KCNH7: variants seen among roughly 807,000 people sequenced by gnomAD.
KCNH7 encodes the protein potassium voltage-gated channel subfamily H member 7, also known as voltage-gated inwardly rectifying potassium channel KCNH7.
KCNH7 carries 49 observed loss-of-function variants against 120.8 expected under a neutral mutation model. That is an observed-to-expected ratio of 0.41 (90% CI 0.32 to 0.51). KCNH7 has a LOEUF of 0.51. Ranked by LOEUF, KCNH7 falls within the 20% of genes least tolerant of loss-of-function variation. KCNH7 has a pLI of 0.38. For missense variants in KCNH7, 1,097 were observed against 1,446.6 expected (o/e 0.76, Z 3.92); for synonymous variants, 547 against 516.1 (o/e 1.06, Z -0.81).
At chr2:162,667,160 T>C (rs1685164013) in intron 2 of KCNH7, among the ~76,000 whole-genome samples, 1 of 151,652 alleles carries the variant, frequency 6.6e-6, no homozygotes, top group East Asian at 1.9e-4. Flanking sequence ...GCTGGGACTA[T>C]AGGTGTACAC....
chr2:162,452,934 CTCTTA>C (rs1326253588), intron 6 of KCNH7, among the ~76,000 whole-genome samples: 3 of 151,918 alleles, frequency 2.0e-5, no homozygotes, highest in African/African-American at 7.2e-5. Context: ...TCCTCTCTCT[CTCTTA>C]TTTTATTTCA....
chr2:162,486,604 C>T (rs1271268237), intron 6 of KCNH7, among the ~76,000 whole-genome samples: 1 of 152,128 alleles, frequency 6.6e-6, no homozygotes, highest in Non-Finnish European at 1.5e-5. Context: ...TCCTATTACG[C>T]ACTTATTCCT....
chr2:162,799,831 C>G (rs866746147), intron 2 of KCNH7, among the ~76,000 whole-genome samples: 1 of 151,768 alleles, frequency 6.6e-6, no homozygotes, highest in Non-Finnish European at 1.5e-5. Context: ...CTTAGAAAGT[C>G]CAGGGCATCA....
intron 2 of KCNH7, among the ~76,000 whole-genome samples, chr2:162,777,151 G>A (rs951200767): frequency 6.6e-6 from 1 of 152,100 alleles, no homozygotes; most frequent in Non-Finnish European, 1.5e-5. Context: ...AGTACCACCA[G>A]TATAGTACAG....
chr2:162,763,768 TGTG>T (rs1689046995), intron 2 of KCNH7, among the ~76,000 whole-genome samples: 1 of 141,492 alleles, frequency 7.1e-6, no homozygotes, highest in Admixed American at 7.0e-5. Flanking sequence ...TGTGTGTGTG[TGTG>T]TTTTGCTTTT....
intron 2 of KCNH7, among the ~76,000 whole-genome samples, chr2:162,617,988 G>A (rs759183195): frequency 2.0e-5 from 3 of 151,678 alleles, no homozygotes; most frequent in African/African-American, 7.3e-5. Flanking sequence ...AATTTAGGGA[G>A]CTTTTTAACA....
chr2:162,448,022 G>A (rs187479423), intron 6 of KCNH7, among the ~76,000 whole-genome samples: 1 of 152,066 alleles, frequency 6.6e-6, no homozygotes, highest in Non-Finnish European at 1.5e-5. Flanking sequence ...AGTTTATAGA[G>A]AGAACAGGGT....
intron 2 of KCNH7, among the ~76,000 whole-genome samples, chr2:162,815,756 T>C (rs1684896255): frequency 6.6e-6 from 1 of 152,180 alleles, no homozygotes. Flanking sequence ...CAGTACCACC[T>C]CTTGGGCACA....
At chr2:162,645,668 C>T (rs1684332821) in intron 2 of KCNH7, among the ~76,000 whole-genome samples, 1 of 152,140 alleles carries the variant, frequency 6.6e-6, no homozygotes, top group African/African-American at 2.4e-5. Context: ...TTCTCCCCTA[C>T]TTTCCTAGAG....
intron 2 of KCNH7, among the ~76,000 whole-genome samples, chr2:162,559,811 G>A (rs1228417318): frequency 6.6e-6 from 1 of 152,224 alleles, no homozygotes; most frequent in East Asian, 1.9e-4. Context: ...ACACTGGAAA[G>A]AGAGAGGAGG....
intron 2 of KCNH7, among the ~76,000 whole-genome samples, chr2:162,763,800 T>G (rs1054219474): frequency 6.6e-6 from 1 of 151,474 alleles, no homozygotes; most frequent in Non-Finnish European, 1.5e-5. Flanking sequence ...TTACTACTTA[T>G]GCTTATTGGT....
rs185040840 is a variant in KCNH7, at chr2:162,720,140, T to C, written c.307+116397A>G. Among the ~76,000 whole-genome samples the C allele has an allele frequency of 3.9e-5, 6 of 152,044 alleles. 1 individual carries two copies. The highest frequency in any genetic ancestry group is 3.9e-4 in the Admixed American group (6 of 15,246). On this transcript the variant is annotated intron_variant, in intron 2 of 15. Coordinates refer to ENST00000332142, the MANE Select transcript of KCNH7 (RefSeq NM_033272.4). ...TGGATTTGCATCTCTACAGCAACTG[T>C]TTGCTGAAATGCTAGTCTTCATACA...
At chr2:162,390,736 G>A (rs997218840) in intron 12 of KCNH7, among the ~76,000 whole-genome samples, 15 of 151,614 alleles carry the variant, frequency 9.9e-5, no homozygotes, top group African/African-American at 3.6e-4. Context: ...AAAATACAAG[G>A]TGCTCTCAAA....
In KCNH7 at chr2:162,726,566, C is replaced by T. The variant is rs540906346; in HGVS notation, c.307+109971G>A. The stretch of plus-strand genomic sequence containing the variant: ...TCCTGAGAAGCTGGGATTACAGGTG[C>T]CTGCCACCACGCCCAGCTAATTTTT... On this transcript the variant is annotated intron_variant, in intron 2 of 15. Coordinates refer to ENST00000332142, the MANE Select transcript of KCNH7 (RefSeq NM_033272.4). Among the ~76,000 whole-genome samples, 5 of 152,198 alleles carry T rather than the reference C, an allele frequency of 3.3e-5. No individual in the cohort carries two copies. The South Asian group carries it at 8.3e-4, about 25-fold the overall frequency.
chr2:162,380,236 T>C (rs1686369043), intron 13 of KCNH7, among the ~76,000 whole-genome samples: 1 of 152,190 alleles, frequency 6.6e-6, no homozygotes, highest in African/African-American at 2.4e-5. Context: ...CGTTTCCATG[T>C]GAACAAAAAC....
chr2:162,626,077 G>A (rs1683544306), intron 2 of KCNH7, among the ~76,000 whole-genome samples: 1 of 152,038 alleles, frequency 6.6e-6, no homozygotes, highest in Non-Finnish European at 1.5e-5. Flanking sequence ...TAGATGTGGG[G>A]AAATTTTATT....
At chr2:162,787,990 C>A (rs1328171126) in intron 2 of KCNH7, among the ~76,000 whole-genome samples, 1 of 150,464 alleles carries the variant, frequency 6.6e-6, no homozygotes, top group African/African-American at 2.5e-5. Context: ...GAAGTGCTTT[C>A]TTTGCCAAAT....
intron 2 of KCNH7, among the ~76,000 whole-genome samples, chr2:162,619,817 CTAATT>C (rs1167593172): frequency 6.6e-6 from 1 of 152,004 alleles, no homozygotes; most frequent in Non-Finnish European, 1.5e-5. Context: ...GCTTGACAAT[CTAATT>C]TATTATTTAT....
chr2:162,648,750 A>C (rs1684464851), intron 2 of KCNH7, among the ~76,000 whole-genome samples: 1 of 151,980 alleles, frequency 6.6e-6, no homozygotes, highest in Non-Finnish European at 1.5e-5. Flanking sequence ...TTAAATATTT[A>C]CTATCTAGAC....
Sources: gnomAD v4.1 joint callset for allele counts (sites outside exome capture counted in the v4.1 genomes callset) on GRCh38, gnomAD v4.1.1 for gene constraint, MANE v1.5 for transcripts, NCBI Gene and HGNC (gene_info 2026-07-23, HGNC 2026-07-21) for gene names.